UBTD2: variants seen among roughly 807,000 people sequenced by gnomAD.
The protein encoded by UBTD2 is ubiquitin domain-containing protein 2.
A neutral mutation model predicts 19.8 loss-of-function variants in UBTD2; 9 were observed. That is an observed-to-expected ratio of 0.46 (90% CI 0.27 to 0.79). UBTD2 has a LOEUF of 0.79. UBTD2 is among the 30% of genes least tolerant of loss of function. UBTD2 has a pLI of 0.14. For missense variants in UBTD2, 250 were observed against 300.4 expected (o/e 0.83, Z 1.24); for synonymous variants, 98 against 103.9 (o/e 0.94, Z 0.35).
At chr5:172,242,394 A>G (rs565692871) in intron 1 of UBTD2, 1 of 985,382 alleles carries the variant, frequency 1.0e-6, no homozygotes, top group African/African-American at 1.7e-5. Flanking sequence ...TTTTCATACC[A>G]AGTTCCAATC....
upstream of UBTD2, chr5:172,284,114 A>C (rs1755797580): frequency 6.6e-6 from 1 of 150,652 alleles, no homozygotes; most frequent in Non-Finnish European, 1.5e-5. Context: ...GCCCGCCCGG[A>C]ATCGCCGGAG....
chr5:172,225,933 C>CTTTTTTTT (rs57155195), intron 2 of UBTD2, among the ~76,000 whole-genome samples: 23 of 107,506 alleles, frequency 2.1e-4, no homozygotes, highest in South Asian at 3.0e-4. Context: ...GGCTTAAACT[C>CTTTTTTTT]TTTTTTTTTT....
chr5:172,243,064 G>C (rs186292990), intron 1 of UBTD2, among the ~76,000 whole-genome samples: 1 of 151,142 alleles, frequency 6.6e-6, no homozygotes, highest in Admixed American at 6.6e-5. Flanking sequence ...CTGGGCTCAA[G>C]TGAGCCTCCT....
At chr5:172,276,718 A>C (rs752334121) in intron 1 of UBTD2, among the ~76,000 whole-genome samples, 6 of 151,960 alleles carry the variant, frequency 3.9e-5, no homozygotes, top group Non-Finnish European at 7.4e-5. Flanking sequence ...GAGGGAGGGA[A>C]AGACGGAAGA....
chr5:172,224,835 T>G (rs534100728), intron 2 of UBTD2, among the ~76,000 whole-genome samples: 1 of 152,318 alleles, frequency 6.6e-6, no homozygotes, highest in East Asian at 1.9e-4. Flanking sequence ...GAGGTTTGCT[T>G]AAAGAAACCC....
chr5:172,225,131 GCAGAGACAGATGGCCAC>G (rs1771740086), intron 2 of UBTD2, among the ~76,000 whole-genome samples: 1 of 151,752 alleles, frequency 6.6e-6, no homozygotes, highest in Non-Finnish European at 1.5e-5. Flanking sequence ...TCATGTCCTA[GCAGAGACAGATGGCCAC>G]CAGGCTAAAT....
At chr5:172,268,626 T>C (rs1334758350) in intron 1 of UBTD2, among the ~76,000 whole-genome samples, 2 of 152,084 alleles carry the variant, frequency 1.3e-5, no homozygotes, top group Non-Finnish European at 2.9e-5. Context: ...CGCACACCTG[T>C]ATTCCCCAAC....
intron 1 of UBTD2, among the ~76,000 whole-genome samples, chr5:172,241,953 G>A (rs1772138110): frequency 6.6e-6 from 1 of 152,254 alleles, no homozygotes; most frequent in Non-Finnish European, 1.5e-5. Context: ...GGGAGATGTA[G>A]GCTGCAGTGA....
At chr5:172,247,179 G>A (rs182305724) in intron 1 of UBTD2, among the ~76,000 whole-genome samples, 238 of 152,162 alleles carry the variant, frequency 1.6e-3, no homozygotes, top group African/African-American at 4.9e-3. Context: ...ATAGAATCAT[G>A]CAAATACTAA....
At chr5:172,244,866 T>C (rs1754839818) in intron 1 of UBTD2, among the ~76,000 whole-genome samples, 1 of 151,884 alleles carries the variant, frequency 6.6e-6, no homozygotes, top group Non-Finnish European at 1.5e-5. Context: ...GTAGCTGAGA[T>C]TACAGGCACC....
At position 172,255,327 on chromosome 5, in the gene UBTD2, G is replaced by A. The variant is rs552567815; in HGVS notation, c.71-20969C>T. ...CATCAGGCAATTGTGTGGAGTAGAT[G>A]ACCCCATACTTGTTGGGCTTCATGG... On this transcript the variant is annotated intron_variant, in intron 1 of 2. Transcript: ENST00000393792. 8.8e-6 allele frequency: 4 copies of A among 455,556 alleles called. No homozygotes were observed. The East Asian group carries it at 2.0e-4, about 23-fold the overall frequency. 28.2% of individuals were successfully genotyped at this position (455,556 alleles called of 1,614,324 possible).
chr5:172,223,089 AT>A lies in UBTD2; in HGVS notation c.308-10863del, dbSNP rs1388132310. ...AGAACCAAATGATGGGTTAGATTTG[AT>A]GGAAAACCAAAAGGAAAGAATCATG... On this transcript the variant is annotated intron_variant, in intron 2 of 2. Coordinates refer to ENST00000393792, the MANE Select transcript of UBTD2 (RefSeq NM_152277.3). 3.3e-5 allele frequency among the ~76,000 whole-genome samples: 5 copies of A among 152,348 alleles called. No homozygotes were observed. The Middle Eastern group carries it at 0.01, about 311-fold the overall frequency.
chr5:172,235,027 C>CCT (rs1343215552), intron 1 of UBTD2, among the ~76,000 whole-genome samples: 6 of 152,120 alleles, frequency 3.9e-5, no homozygotes, highest in African/African-American at 1.4e-4. Context: ...ACTGGGAGTA[C>CCT]ATAGGAAATC....
intron 2 of UBTD2, among the ~76,000 whole-genome samples, chr5:172,232,801 T>C (rs1184400942): frequency 6.6e-6 from 1 of 152,070 alleles, no homozygotes; most frequent in African/African-American, 2.4e-5. Flanking sequence ...GGAGGATCTC[T>C]TGAGCCTGGG....
chr5:172,259,469 T>C (rs1755223644), intron 1 of UBTD2, among the ~76,000 whole-genome samples: 3 of 151,932 alleles, frequency 2.0e-5, no homozygotes, highest in Admixed American at 2.0e-4. Flanking sequence ...ATGACTATAA[T>C]TATAGTAAGA....
At chr5:172,267,066 T>C (rs1215746519) in intron 1 of UBTD2, among the ~76,000 whole-genome samples, 3 of 149,920 alleles carry the variant, frequency 2.0e-5, no homozygotes, top group Admixed American at 6.6e-5. Context: ...AAAAAGTTTT[T>C]TCCTAGAATC....
chr5:172,239,852 C>T (rs1318489083), intron 1 of UBTD2, among the ~76,000 whole-genome samples: 2 of 151,784 alleles, frequency 1.3e-5, no homozygotes, highest in African/African-American at 4.8e-5. Context: ...TGCAGTGAGC[C>T]GAGATCACAC....
At chr5:172,258,986 A>T (rs1257052923) in intron 1 of UBTD2, among the ~76,000 whole-genome samples, 1 of 152,124 alleles carries the variant, frequency 6.6e-6, no homozygotes, top group Non-Finnish European at 1.5e-5. Flanking sequence ...AACTATGCTA[A>T]ATAGGAGTGC....
chr5:172,224,249 A>G (rs1254144407), intron 2 of UBTD2, among the ~76,000 whole-genome samples: 2 of 135,336 alleles, frequency 1.5e-5, no homozygotes, highest in Non-Finnish European at 3.2e-5. Context: ...GCTTCCCCCA[A>G]GCTCTTCTCA....
Sources: allele counts gnomAD v4.1 joint callset (sites outside exome capture counted in the v4.1 genomes callset), GRCh38; gene constraint gnomAD v4.1.1; transcripts MANE v1.5; gene names NCBI Gene and HGNC (gene_info 2026-07-23, HGNC 2026-07-21).